PPP1R36: variants seen among roughly 807,000 people sequenced by gnomAD.
PPP1R36 encodes the protein chromosome 14 open reading frame 50.
A neutral mutation model predicts 53.4 loss-of-function variants in PPP1R36; 47 were observed. The observed-to-expected ratio is 0.88, with a 90% CI of 0.70 to 1.12. PPP1R36 has a LOEUF of 1.12. PPP1R36 is among the 50% of genes most tolerant of loss of function. The pLI, the probability that PPP1R36 is intolerant of heterozygous loss-of-function variation, is 0.00. For synonymous variants in PPP1R36, 153 were observed against 170.5 expected, an observed-to-expected ratio of 0.90 and a Z score of 0.80; for missense variants, 456 against 513.9, an observed-to-expected ratio of 0.89 and a Z score of 1.09.
At chr14:64,580,186 A>G (rs1277148133) in intron 8 of PPP1R36, among the ~76,000 whole-genome samples, 1 of 152,124 alleles carries the variant, frequency 6.6e-6, no homozygotes, top group African/African-American at 2.4e-5. Context: ...CTGTAGTTCC[A>G]GCCACCTGGG....
At chr14:64,558,643 T>C (rs1265719927) in intron 3 of PPP1R36, among the ~76,000 whole-genome samples, 1 of 151,632 alleles carries the variant, frequency 6.6e-6, no homozygotes, top group South Asian at 2.1e-4. Context: ...TTTTGTCTTT[T>C]TTTTTTTTTG....
intron 6 of PPP1R36, 77 bp from the exon 7 acceptor site, chr14:64,568,272 A>G (rs1239415692): frequency 3.3e-5 from 19 of 567,838 alleles, no homozygotes; most frequent in South Asian, 3.2e-4. Context: ...GTGTGCTCAT[A>G]TATTTTTTAT....
intron 8 of PPP1R36, among the ~76,000 whole-genome samples, chr14:64,583,519 G>A (rs914414889): frequency 3.9e-5 from 6 of 152,090 alleles, no homozygotes; most frequent in Non-Finnish European, 5.9e-5. Flanking sequence ...TGGGCATTAA[G>A]AGAGAAAGAG....
At chr14:64,588,403 G>C in intron 11 of PPP1R36, 108 bp downstream of exon 11, 1 of 963,162 alleles carries the variant, frequency 1.0e-6, no homozygotes, top group East Asian at 2.6e-5. Flanking sequence ...ATCGAGCCAT[G>C]ATGACAGCCC....
Position 64,584,666 on chromosome 14 carries a change from G to C in PPP1R36, c.669-2171G>C, listed in dbSNP as rs564024863. The stretch of plus-strand genomic sequence containing the variant: ...GTTATGAGGACAGACGTGGGTATCT[G>C]ACAGGCCCGAGTTTTAGTACAGGAT... On this transcript the variant is annotated intron_variant, in intron 8 of 11. Transcript: ENST00000298705. Among the ~76,000 whole-genome samples, 7 of 152,290 alleles carry C rather than the reference G, an allele frequency of 4.6e-5. 1 individual carries two copies. The South Asian group carries it at 1.5e-3, about 32-fold the overall frequency.
chr14:64,550,084 C>A lies in PPP1R36; in HGVS notation c.69+18C>A. 6.4e-7 allele frequency: 1 copy of A among 1,551,926 alleles called. No individual in the cohort carries two copies. Among genetic ancestry groups the A allele is most frequent in the South Asian group, 1.2e-5 (1 of 84,060 alleles). ...TGATGGATGTAAGTGCAGCCTTGGT[C>A]GCCCCCATACCCGGGCTGGGCGCAA... On this transcript the variant is annotated intron_variant, in intron 1 of 11. Coordinates refer to ENST00000298705, the MANE Select transcript of PPP1R36 (RefSeq NM_172365.3).
At chr14:64,584,222 T>G (rs1282464791) in intron 8 of PPP1R36, among the ~76,000 whole-genome samples, 3 of 152,048 alleles carry the variant, frequency 2.0e-5, no homozygotes, top group Non-Finnish European at 2.9e-5. Flanking sequence ...TTCTAATGTC[T>G]AAAAAAAGAA....
intron 8 of PPP1R36, among the ~76,000 whole-genome samples, chr14:64,581,117 A>G (rs2080385600): frequency 6.6e-6 from 1 of 152,260 alleles, no homozygotes; most frequent in African/African-American, 2.4e-5. Context: ...CAGAAGTTAC[A>G]GGCAAAGTTG....
chr14:64,560,350 G>A (rs1352414633), intron 3 of PPP1R36, among the ~76,000 whole-genome samples: 1 of 150,934 alleles, frequency 6.6e-6, no homozygotes, highest in Non-Finnish European at 1.5e-5. Flanking sequence ...GCTGAAGTGG[G>A]AGAATCATCT....
At chr14:64,552,732 G>C in intron 2 of PPP1R36, 82 bp from the exon 3 acceptor site, 2 of 1,103,074 alleles carry the variant, frequency 1.8e-6, no homozygotes, top group Non-Finnish European at 2.7e-6. Context: ...AAAATCAAAA[G>C]TTTACATTTT....
Position 64,574,457 on chromosome 14 carries a change from G to A in PPP1R36, c.536G>A (p.Gly179Asp). 1.9e-6 allele frequency: 3 copies of A among 1,612,046 alleles called. No homozygotes were observed. Among genetic ancestry groups the A allele is most frequent in the Non-Finnish European group, 1.7e-6 (2 of 1,179,400 alleles). Residue 179 changes from glycine to aspartate, a missense_variant and splice_region_variant, in exon 8 of 12, where the codon GGC (glycine) becomes GAC (aspartate). Coordinates refer to ENST00000298705, the MANE Select transcript of PPP1R36 (RefSeq NM_172365.3). ...LEKKPKSYMV[G>D]LVEKKEMELV... ...CTTTTTTTTGTCCTCCCCATCAGAGGCCTTGTAGAGAAAAAAGAAATGGAA... is the reference window on the plus strand; with the variant it reads ...CTTTTTTTTGTCCTCCCCATCAGAGACCTTGTAGAGAAAAAAGAAATGGAA...
chr14:64,561,616 A>G (rs1304794656), intron 3 of PPP1R36, among the ~76,000 whole-genome samples: 1 of 152,204 alleles, frequency 6.6e-6, no homozygotes, highest in African/African-American at 2.4e-5. Context: ...TGAAATAATA[A>G]TGCCTCGTGA....
chr14:64,554,683 G>A lies in PPP1R36; in HGVS notation c.182+1822G>A, dbSNP rs1282837312. Among the ~76,000 whole-genome samples the A allele has an allele frequency of 7.9e-5, 12 of 152,230 alleles. No homozygotes were observed. In the East Asian group the frequency reaches 2.1e-3, roughly 27 times the overall value. On this transcript the variant is annotated intron_variant, in intron 3 of 11. Transcript: ENST00000298705. The stretch of plus-strand genomic sequence containing the variant: ...GATGGAAGCTGCAGAGGTAGCAGGC[G>A]TGTTCAGTGACTGCTCTCATACCTA...
chr14:64,560,753 T>C (rs73269707), intron 3 of PPP1R36, among the ~76,000 whole-genome samples: 3,635 of 152,174 alleles, frequency 0.024, 141 homozygotes, highest in African/African-American at 0.083. Flanking sequence ...GAATACACAG[T>C]AAAGGGGGAA....
At chr14:64,585,958 G>A in intron 8 of PPP1R36, 1 of 151,364 alleles carries the variant, frequency 6.6e-6, no homozygotes, top group East Asian at 1.9e-4. Flanking sequence ...TTTTCTTTTT[G>A]AGATGGAGTC....
chr14:64,568,449 T>C lies in PPP1R36; in HGVS notation c.533+2T>C, dbSNP rs144469911. 4.8e-5 allele frequency: 68 copies of C among 1,410,868 alleles called. 1 individual carries two copies. In the African/African-American group the frequency reaches 6.3e-4, roughly 13 times the overall value. The allele number at this position is 1,410,868 out of a possible 1,614,324, so 87.4% of individuals were successfully genotyped here. A position where few individuals can be genotyped will look rare whatever the true frequency, so the allele number is the denominator to read the frequency against. ...AAAGAAACCCAAAAGCTATATGGTG[T>C]AAGTAAGATTTTATAGTGTGCTTTA... On this transcript the variant is annotated splice_donor_variant, in intron 7 of 11. Coordinates refer to ENST00000298705, the MANE Select transcript of PPP1R36 (RefSeq NM_172365.3). LOFTEE classifies it high-confidence loss of function.
At chr14:64,570,343 G>A (rs1156313134) in intron 7 of PPP1R36, among the ~76,000 whole-genome samples, 6 of 152,050 alleles carry the variant, frequency 3.9e-5, no homozygotes, top group South Asian at 2.1e-4. Flanking sequence ...TTAGCCAGGC[G>A]TGGTGGCACA....
At chr14:64,573,962 G>A (rs2123461) in intron 7 of PPP1R36, among the ~76,000 whole-genome samples, 87,615 of 141,084 alleles carry the variant, frequency 0.62, 28,004 homozygotes, top group East Asian at 0.86. Flanking sequence ...TACACCATAA[G>A]CTTGAGATGC....
intron 7 of PPP1R36, among the ~76,000 whole-genome samples, chr14:64,573,313 G>A (rs2080317394): frequency 1.3e-5 from 2 of 152,330 alleles, no homozygotes; most frequent in Admixed American, 1.3e-4. Flanking sequence ...GGGAAGCAGT[G>A]TTATTGTAAC....
Sources: allele counts gnomAD v4.1 joint callset (sites outside exome capture counted in the v4.1 genomes callset), GRCh38; gene constraint gnomAD v4.1.1; transcripts MANE v1.5; gene names NCBI Gene and HGNC (gene_info 2026-07-23, HGNC 2026-07-21).